ZBTB4: variants seen among roughly 807,000 people sequenced by gnomAD.
The protein encoded by ZBTB4 is zinc finger and BTB domain-containing protein 4.
ZBTB4 carries 14 observed loss-of-function variants against 59.8 expected under a neutral mutation model. The observed-to-expected ratio is 0.23, with a 90% CI of 0.15 to 0.37. ZBTB4 has a LOEUF of 0.37. Among genes scored for constraint, ZBTB4 ranks in the 10% least tolerant of loss-of-function variants. ZBTB4 has a pLI of 1.00. For synonymous variants in ZBTB4, 587 were observed against 575.2 expected (o/e 1.02, Z -0.29); for missense variants, 1,198 against 1,380.8 (o/e 0.87, Z 2.10).
chr17:7,464,038 G>C, intron 3 of ZBTB4, 148 bp from the exon 4 acceptor site: 1 of 1,395,920 alleles, frequency 7.2e-7, no homozygotes, highest in Non-Finnish European at 9.5e-7. Flanking sequence ...CCTCAGTGCA[G>C]GGTGCCCGTC....
chr17:7,461,023 A>G lies in ZBTB4; in HGVS notation c.*917T>C, dbSNP rs2070012207. On this transcript the variant is annotated 3_prime_UTR_variant, in exon 4 of 4. Coordinates refer to ENST00000380599, the MANE Select transcript of ZBTB4 (RefSeq NM_001128833.2). ...GGAGAAACCATCAGGAAAAAAAAAC[A>G]GGGAGAAAGTAGATTCCCTTCTCCA... The G allele has an allele frequency of 6.6e-6, 1 of 152,552 alleles. No individual in the cohort carries two copies. The highest frequency in any genetic ancestry group is 2.4e-5 in the African/African-American group (1 of 41,422). The allele number at this position is 152,552 out of a possible 1,614,324, so 9.4% of individuals were successfully genotyped here.
intron 3 of ZBTB4, 95 bp from the exon 4 acceptor site, chr17:7,463,985 C>G (rs1159683338): frequency 6.6e-7 from 1 of 1,509,386 alleles, no homozygotes; most frequent in African/African-American, 1.4e-5. Flanking sequence ...GCACTCAAAC[C>G]TGTGACTCCC....
Position 7,465,857 on chromosome 17 carries a change from C to G in ZBTB4, c.945G>C (p.Glu315Asp). 6.2e-7 allele frequency: 1 copy of G among 1,614,198 alleles called. No individual in the cohort carries two copies. Among genetic ancestry groups the G allele is most frequent in the Non-Finnish European group, 8.5e-7 (1 of 1,180,032 alleles). The change falls in exon 3 of 4, where the codon GAG becomes GAC. Residue 315 changes from glutamate (E) to aspartate (D), a missense_variant. Around this residue, in one of 9 missense-constraint regions of ZBTB4, gnomAD observed 204 missense variants for 205.5 expected, o/e 0.99. Coordinates refer to ENST00000380599, the MANE Select transcript of ZBTB4 (RefSeq NM_001128833.2). ...GHVLYVCAACERSYVTLSSLK... is the reference protein window; with the variant it reads ...GHVLYVCAACDRSYVTLSSLK... ...GACTGGACAGGGTCACGTAGGAACG[C>G]TCGCAGGCCGCGCACACATACAGCA...
At chr17:7,476,331 G>A (rs4796421) in intron 1 of ZBTB4, among the ~76,000 whole-genome samples, 29,763 of 152,164 alleles carry the variant, frequency 0.2, 3,078 homozygotes, top group South Asian at 0.28. Context: ...ATCTTGCCTT[G>A]TGTTATCCTC....
rs2069994680 is a variant in ZBTB4, at chr17:7,459,974, GTC to G, written c.*1964_*1965del. 2 of 152,484 alleles carry G rather than the reference GTC, an allele frequency of 1.3e-5. No individual in the cohort carries two copies. The highest frequency in any genetic ancestry group is 1.3e-4 in the Admixed American group (2 of 15,264). The allele number at this position is 152,484 out of a possible 1,614,324, so 9.4% of individuals were successfully genotyped here. On this transcript the variant is annotated 3_prime_UTR_variant, in exon 4 of 4. Coordinates refer to ENST00000380599, the MANE Select transcript of ZBTB4 (RefSeq NM_001128833.2). Reference sequence around the variant, plus strand: ...TGCCCCTGCCTCCAGGCCTTCCTCAGTCTCTCTTGTGGTTCCGCTGTATAGAT... The same window carrying G: ...TGCCCCTGCCTCCAGGCCTTCCTCAGTCTCTTGTGGTTCCGCTGTATAGAT...
chr17:7,465,864 G>A lies in ZBTB4; in HGVS notation c.938C>T (p.Ala313Val), dbSNP rs1471841934. 6.2e-7 allele frequency: 1 copy of A among 1,614,190 alleles called. No homozygotes were observed. ...CAGGGTCACGTAGGAACGCTCGCAG[G>A]CCGCGCACACATACAGCACGTGGCC... is the stretch of plus-strand genomic sequence containing the variant. ...VGGHVLYVCA[A>V]CERSYVTLSS... The change falls in exon 3 of 4, where the codon GCC becomes GTC. Residue 313 changes from alanine (A) to valine (V), a missense_variant. Ala to Val is a moderately conservative substitution (Grantham distance 64). Around this residue, in one of 9 missense-constraint regions of ZBTB4, gnomAD observed 204 missense variants for 205.5 expected, o/e 0.99. Transcript: ENST00000380599.
chr17:7,463,637 C>T lies in ZBTB4; in HGVS notation c.1345G>A (p.Val449Met). ...GGCGGCGGGCTGGCTGGCATTGCCA[C>T]AGGGGCCGGTGTGTTGAGGGTTGGA... ...LSPTLNTPAP[V>M]AMPASPPPGP... The change falls in exon 4 of 4, where the codon GTG becomes ATG. Residue 449 changes from valine (V) to methionine (M), a missense_variant. By Grantham distance (21) the Val-to-Met change is conservative (BLOSUM62 1). Around this residue, in one of 9 missense-constraint regions of ZBTB4, gnomAD observed 550 missense variants for 541.8 expected, o/e 1.02. Transcript: ENST00000380599. 1 of 1,610,092 alleles carries T rather than the reference C, an allele frequency of 6.2e-7. No homozygotes were observed. Among genetic ancestry groups the T allele is most frequent in the Non-Finnish European group, 8.5e-7 (1 of 1,178,054 alleles).
At chr17:7,470,465 G>A (rs1476446883) in intron 1 of ZBTB4, among the ~76,000 whole-genome samples, 3 of 151,850 alleles carry the variant, frequency 2.0e-5, no homozygotes, top group Admixed American at 6.6e-5. Flanking sequence ...AGGCCGAGGT[G>A]GATGGATCAC....
intron 1 of ZBTB4, among the ~76,000 whole-genome samples, chr17:7,474,906 G>A (rs941606986): frequency 6.6e-6 from 1 of 151,320 alleles, no homozygotes; most frequent in African/African-American, 2.4e-5. Context: ...CAGCTACTCA[G>A]GTGGCTGAGG....
intron 3 of ZBTB4, among the ~76,000 whole-genome samples, chr17:7,465,287 A>T (rs2070102494): frequency 6.7e-6 from 1 of 150,180 alleles, no homozygotes; most frequent in South Asian, 2.1e-4. Context: ...TGAAACCCTG[A>T]CTCTACTAAA....
upstream of ZBTB4, chr17:7,482,979 G>A (rs2070367294): frequency 1.9e-6 from 3 of 1,611,464 alleles, no homozygotes; most frequent in South Asian, 1.1e-5. Context: ...AGCTGTGAGA[G>A]GGAAGGGAAG....
Position 7,462,317 on chromosome 17 carries a change from C to G in ZBTB4, c.2665G>C (p.Gly889Arg). ...CCTTCACTCCCAGATTTTCCCCTGC[C>G]ACCGCCAGGTTCCCGGCCGCCCCCA... Reference protein sequence around the residue: ...LIGGGREPGGGRGKSGSEGPV... With the variant: ...LIGGGREPGGRRGKSGSEGPV... Residue 889 changes from glycine (G) to arginine (R), a missense_variant, in exon 4 of 4, where the codon GGC (glycine) becomes CGC (arginine). Coordinates refer to ENST00000380599, the MANE Select transcript of ZBTB4 (RefSeq NM_001128833.2). The surrounding 1 kb of genome is among the most constrained non-coding windows in gnomAD (Gnocchi z 7.5). 1 of 1,613,902 alleles carries G rather than the reference C, an allele frequency of 6.2e-7. No homozygotes were observed. The highest frequency in any genetic ancestry group is 8.5e-7 in the Non-Finnish European group (1 of 1,179,936).
rs188290968 is a variant in ZBTB4, at chr17:7,469,694, A to C, written c.-80-2367T>G. Among the ~76,000 whole-genome samples the C allele has an allele frequency of 1.6e-3, 247 of 151,940 alleles. 2 individuals are homozygous for C. The Middle Eastern group carries it at 0.02, about 13-fold the overall frequency. The stretch of plus-strand genomic sequence containing the variant: ...GTAGGAGAATTGCTGGAACCCAGGA[A>C]GTAGAGGCTGCAGTGAGCCGAGATC... On this transcript the variant is annotated intron_variant, in intron 1 of 3. Coordinates refer to ENST00000380599, the MANE Select transcript of ZBTB4 (RefSeq NM_001128833.2).
In ZBTB4 at chr17:7,463,768, T is replaced by C; in HGVS notation, c.1214A>G (p.Tyr405Cys). The change falls in exon 4 of 4, where the codon TAC becomes TGC. Residue 405 changes from tyrosine to cysteine, a missense_variant. By Grantham distance (194) the Tyr-to-Cys change is radical. This residue lies in a region of ZBTB4 where 60 missense variants were observed against 93.0 expected (regional missense o/e 0.64). Coordinates refer to ENST00000380599, the MANE Select transcript of ZBTB4 (RefSeq NM_001128833.2). ...CTTGAGTGTATTGAGCTTGGGCTTGTAGCCTCCATTGGGTGTCTTCTCACT... is the reference window on the plus strand; with the variant it reads ...CTTGAGTGTATTGAGCTTGGGCTTGCAGCCTCCATTGGGTGTCTTCTCACT... ...LASEKTPNGG[Y>C]KPKLNTLKLY... 1.2e-6 allele frequency: 2 copies of C among 1,614,134 alleles called. No homozygotes were observed. Among genetic ancestry groups the C allele is most frequent in the Non-Finnish European group, 1.7e-6 (2 of 1,180,030 alleles).
At chr17:7,482,616 G>A (rs763663792), upstream of ZBTB4, 11 of 1,611,970 alleles carry the variant, frequency 6.8e-6, no homozygotes, top group South Asian at 3.3e-5. Context: ...CTGGTCTATC[G>A]TTCTCTGCAC....
chr17:7,478,503 G>GTGT (rs2070300042), intron 1 of ZBTB4, among the ~76,000 whole-genome samples: 1 of 152,058 alleles, frequency 6.6e-6, no homozygotes, highest in African/African-American at 2.4e-5. Context: ...ATGGGACCCA[G>GTGT]ACGTGACGCC....
chr17:7,470,938 T>G (rs2150859667), intron 1 of ZBTB4, among the ~76,000 whole-genome samples: 1 of 152,226 alleles, frequency 6.6e-6, no homozygotes, highest in Non-Finnish European at 1.5e-5. Context: ...CTCCAGGAGG[T>G]AGCAGCCCTG....
intron 1 of ZBTB4, among the ~76,000 whole-genome samples, chr17:7,477,726 G>A (rs867217319): frequency 6.6e-6 from 1 of 152,224 alleles, no homozygotes; most frequent in African/African-American, 2.4e-5. Context: ...GGGGCAGAGA[G>A]AGGGAGAGGG....
rs1322055095 is a variant in ZBTB4, at chr17:7,467,239, C to T, written c.-10+18G>A. Reference sequence around the variant, plus strand: ...GGTCTACTTTGTCCTCACTGTAGGCCTCTGGGTACCTTCTCACCTGAGAGC... The same window carrying T: ...GGTCTACTTTGTCCTCACTGTAGGCTTCTGGGTACCTTCTCACCTGAGAGC... On this transcript the variant is annotated intron_variant, in intron 2 of 3. Transcript: ENST00000380599. 3.0e-6 allele frequency: 3 copies of T among 1,000,020 alleles called. No homozygotes were observed. Among genetic ancestry groups the T allele is most frequent in the Non-Finnish European group, 3.6e-6 (3 of 839,506 alleles). The allele number at this position is 1,000,020 out of a possible 1,614,324, so 61.9% of individuals were successfully genotyped here. A position where few individuals can be genotyped will look rare whatever the true frequency, so the allele number is the denominator to read the frequency against.
Sources: allele counts gnomAD v4.1 joint callset (sites outside exome capture counted in the v4.1 genomes callset), GRCh38; gene constraint gnomAD v4.1.1; regional missense constraint gnomAD v4.1.1; non-coding constraint Gnocchi (gnomAD v3.1); transcripts MANE v1.5; gene names NCBI Gene and HGNC (gene_info 2026-07-23, HGNC 2026-07-21).